Variants in SGCZ observed in about 807,000 individuals in gnomAD.
SGCZ encodes the protein zeta-sarcoglycan.
A neutral mutation model predicts 41.3 loss-of-function variants in SGCZ; 40 were observed. The observed-to-expected ratio is 0.97, with a 90% CI of 0.75 to 1.26. The LOEUF is 1.26. Among genes scored for constraint, SGCZ ranks in the 50% most tolerant of loss-of-function variants. SGCZ has a pLI of 0.00. For synonymous variants in SGCZ, 206 were observed against 137.5 expected (o/e 1.50, Z -3.49); for missense variants, 552 against 369.8 (o/e 1.49, Z -4.04).
At chr8:14,619,295 T>C (rs1189641621) in intron 1 of SGCZ, among the ~76,000 whole-genome samples, 1 of 152,036 alleles carries the variant, frequency 6.6e-6, no homozygotes, top group East Asian at 1.9e-4. Context: ...TATCTCAAAA[T>C]AATAAGAGCT....
chr8:14,746,994 G>A (rs542317821), intron 1 of SGCZ, among the ~76,000 whole-genome samples: 1 of 152,210 alleles, frequency 6.6e-6, no homozygotes, highest in East Asian at 1.9e-4. Flanking sequence ...TTCTCTACAG[G>A]GAGTAGCAGT....
At chr8:14,386,677 T>G (rs182625075) in intron 2 of SGCZ, among the ~76,000 whole-genome samples, 223 of 152,306 alleles carry the variant, frequency 1.5e-3, no homozygotes, top group African/African-American at 5.1e-3. Context: ...TTATAAAGCT[T>G]TAATCATTAT....
intron 1 of SGCZ, among the ~76,000 whole-genome samples, chr8:14,918,251 C>A (rs1477071664): frequency 6.6e-6 from 1 of 152,078 alleles, no homozygotes; most frequent in Non-Finnish European, 1.5e-5. Flanking sequence ...AGCAGAGTAT[C>A]TATATTACCA....
In SGCZ at chr8:14,828,016, C is replaced by T. The variant is rs59900324; in HGVS notation, c.40-273090G>A. On this transcript the variant is annotated intron_variant, in intron 1 of 7. Transcript: ENST00000382080. Reference sequence around the variant, plus strand: ...AACTCGTACTACTTGTTTAACATGTCTGACAGGACCTCAACTGAAACACTG... The same window carrying T: ...AACTCGTACTACTTGTTTAACATGTTTGACAGGACCTCAACTGAAACACTG... Among the ~76,000 whole-genome samples, 32 of 152,316 alleles carry T rather than the reference C, an allele frequency of 2.1e-4. No homozygotes were observed. The East Asian group carries it at 4.8e-3, about 23-fold the overall frequency.
intron 1 of SGCZ, among the ~76,000 whole-genome samples, chr8:15,133,149 T>TATAAATAAATAA (rs139910762): frequency 0.059 from 8,947 of 151,206 alleles, 282 homozygotes; most frequent in Middle Eastern, 0.11. Context: ...TCTCAAAATA[T>TATAAATAAATAA]ATAAATAAAT....
At chr8:14,870,380 C>T (rs1490215274) in intron 1 of SGCZ, among the ~76,000 whole-genome samples, 1 of 152,128 alleles carries the variant, frequency 6.6e-6, no homozygotes, top group African/African-American at 2.4e-5. Flanking sequence ...AACTGGCTAG[C>T]CATATGCAGA....
intron 1 of SGCZ, among the ~76,000 whole-genome samples, chr8:14,613,918 C>T (rs7011191): frequency 0.83 from 126,811 of 152,094 alleles, 53,214 homozygotes; most frequent in Non-Finnish European, 0.87. Context: ...ATCTAGCAGA[C>T]GTTATCTTGC....
chr8:15,210,005 C>T lies in SGCZ; in HGVS notation c.39+27580G>A, dbSNP rs142443653. Among the ~76,000 whole-genome samples, 256 of 152,206 alleles carry T rather than the reference C, an allele frequency of 1.7e-3. 1 individual carries two copies. The highest frequency in any genetic ancestry group is 6.2e-3 in the South Asian group (30 of 4,826). ...CACTATTTAAAAAATCATTTCTCTTCTTTCCCATCAGGTAATGTGTTTCGA... is the reference window on the plus strand; with the variant it reads ...CACTATTTAAAAAATCATTTCTCTTTTTTCCCATCAGGTAATGTGTTTCGA... On this transcript the variant is annotated intron_variant, in intron 1 of 7. Transcript: ENST00000382080.
At chr8:14,289,586 T>G (rs1172214168) in intron 3 of SGCZ, among the ~76,000 whole-genome samples, 1 of 152,156 alleles carries the variant, frequency 6.6e-6, no homozygotes, top group African/African-American at 2.4e-5. Context: ...TTGGTCTATG[T>G]GTCTATTTTT....
intron 1 of SGCZ, among the ~76,000 whole-genome samples, chr8:15,135,511 A>C (rs1808068476): frequency 6.6e-6 from 1 of 152,204 alleles, no homozygotes. Flanking sequence ...AGAAATCTCT[A>C]CATGCTGTTT....
intron 1 of SGCZ, among the ~76,000 whole-genome samples, chr8:14,666,252 G>T (rs931065281): frequency 5.9e-5 from 9 of 152,172 alleles, no homozygotes; most frequent in Non-Finnish European, 1.0e-4. Flanking sequence ...TGCTGGCAGT[G>T]TGTACAGTAA....
At chr8:14,112,714 T>G (rs1802412201) in intron 5 of SGCZ, among the ~76,000 whole-genome samples, 3 of 152,124 alleles carry the variant, frequency 2.0e-5, no homozygotes, top group Admixed American at 2.0e-4. Context: ...TGGTTTTTAT[T>G]TGTAAAATTA....
intron 1 of SGCZ, among the ~76,000 whole-genome samples, chr8:14,872,929 C>G (rs1026436990): frequency 6.6e-6 from 1 of 152,012 alleles, no homozygotes; most frequent in Non-Finnish European, 1.5e-5. Context: ...GTTTCACTGA[C>G]TTGAGAGTTA....
At chr8:14,613,354 G>C in intron 1 of SGCZ, among the ~76,000 whole-genome samples, 1 of 152,034 alleles carries the variant, frequency 6.6e-6, no homozygotes, top group East Asian at 1.9e-4. Flanking sequence ...CGTACGATTG[G>C]AACCATTTTT....
At chr8:14,461,141 G>C (rs1237342643) in intron 2 of SGCZ, among the ~76,000 whole-genome samples, 1 of 152,052 alleles carries the variant, frequency 6.6e-6, no homozygotes, top group Non-Finnish European at 1.5e-5. Context: ...CAGGGCTGCT[G>C]TCTGTAGGAT....
At chr8:14,688,467 C>G (rs1808690149) in intron 1 of SGCZ, among the ~76,000 whole-genome samples, 1 of 152,118 alleles carries the variant, frequency 6.6e-6, no homozygotes, top group South Asian at 2.1e-4. Context: ...TTCCCCATTG[C>G]TTGTTTTTCT....
At chr8:14,857,245 T>C (rs1803573010) in intron 1 of SGCZ, among the ~76,000 whole-genome samples, 2 of 152,218 alleles carry the variant, frequency 1.3e-5, no homozygotes, top group African/African-American at 4.8e-5. Context: ...GCTGGCATCA[T>C]GCTTCCTGCA....
At chr8:14,532,724 G>A (rs56027140) in intron 2 of SGCZ, among the ~76,000 whole-genome samples, 2 of 116,448 alleles carry the variant, frequency 1.7e-5, no homozygotes, top group Admixed American at 2.0e-4. Context: ...GGGGAGGGCG[G>A]GGGGGAGGAG....
intron 1 of SGCZ, among the ~76,000 whole-genome samples, chr8:14,696,342 C>G (rs1808962334): frequency 6.6e-6 from 1 of 152,046 alleles, no homozygotes; most frequent in African/African-American, 2.4e-5. Context: ...CGCAAAGATT[C>G]TCCCCTGACT....
Sources: allele counts gnomAD v4.1 joint callset (sites outside exome capture counted in the v4.1 genomes callset), GRCh38; gene constraint gnomAD v4.1.1; transcripts MANE v1.5; gene names NCBI Gene and HGNC (gene_info 2026-07-23, HGNC 2026-07-21).